SNCAIP: variants seen among roughly 807,000 people sequenced by gnomAD.
The protein encoded by SNCAIP is synphilin-1.
Under a neutral mutation model 86.7 loss-of-function variants are expected in SNCAIP, and 43 were observed. The observed-to-expected ratio is 0.50, with a 90% CI of 0.39 to 0.64. SNCAIP has a LOEUF of 0.64. Ranked by LOEUF, SNCAIP falls within the 30% of genes least tolerant of loss-of-function variation. SNCAIP has a pLI of 0.00. For synonymous variants in SNCAIP, 417 were observed against 427.2 expected (o/e 0.98, Z 0.29); for missense variants, 981 against 1,103.1 (o/e 0.89, Z 1.57).
chr5:122,400,765 A>G (rs1162072813), intron 2 of SNCAIP, among the ~76,000 whole-genome samples: 1 of 152,330 alleles, frequency 6.6e-6, no homozygotes, highest in Non-Finnish European at 1.5e-5. Flanking sequence ...AAGCACAGGG[A>G]CGGTGAAGAA....
In SNCAIP at chr5:122,425,538, G is replaced by C. The variant is rs1246930451; in HGVS notation, c.1182+7G>C. 4.3e-6 allele frequency: 7 copies of C among 1,612,614 alleles called. No individual in the cohort carries two copies. In the South Asian group the frequency reaches 5.5e-5, roughly 13 times the overall value. ...AGCAGGCCTGGCCATTAAGGTGACT[G>C]GTTGGGGGCTGGAACCTCCACAGCT... On this transcript the variant is annotated splice_region_variant and intron_variant, in intron 5 of 10. Coordinates refer to ENST00000261368, the MANE Select transcript of SNCAIP (RefSeq NM_005460.4).
chr5:122,339,414 A>G (rs750184073), intron 1 of SNCAIP, among the ~76,000 whole-genome samples: 2 of 152,202 alleles, frequency 1.3e-5, no homozygotes, highest in Non-Finnish European at 2.9e-5. Flanking sequence ...CCATCTTTAG[A>G]TACATTTAAG....
intron 1 of SNCAIP, among the ~76,000 whole-genome samples, chr5:122,344,147 C>T (rs1421705490): frequency 6.6e-6 from 1 of 152,146 alleles, no homozygotes; most frequent in East Asian, 1.9e-4. Flanking sequence ...TCCTCCTCCG[C>T]TAAAATGTAA....
chr5:122,433,145 G>C (rs1220488498), intron 6 of SNCAIP, among the ~76,000 whole-genome samples: 1 of 141,824 alleles, frequency 7.1e-6, no homozygotes, highest in Non-Finnish European at 1.6e-5. Flanking sequence ...GTGTGTGTGT[G>C]TGTATAATAT....
chr5:122,361,688 C>T (rs1762256044), intron 1 of SNCAIP, among the ~76,000 whole-genome samples: 1 of 151,900 alleles, frequency 6.6e-6, no homozygotes, highest in Non-Finnish European at 1.5e-5. Flanking sequence ...TGATGAAGAG[C>T]TCCATCGATG....
chr5:122,348,813 G>A (rs1759177922), intron 1 of SNCAIP, among the ~76,000 whole-genome samples: 1 of 152,098 alleles, frequency 6.6e-6, no homozygotes, highest in Non-Finnish European at 1.5e-5. Context: ...GAAAATTGAT[G>A]ACGTTTTTGA....
At chr5:122,440,844 A>C (rs1561777930) in intron 7 of SNCAIP, 90 bp downstream of exon 7, 2 of 1,206,108 alleles carry the variant, frequency 1.7e-6, no homozygotes, top group Non-Finnish European at 1.2e-6. Flanking sequence ...AGAATGTCTG[A>C]ATTAATTCAC....
Position 122,423,125 on chromosome 5 carries a change from C to G in SNCAIP, c.388C>G (p.Pro130Ala). ...CCCTGGAGATGGAGTGGGCGGCCCA[C>G]CAGGTAAGAGCTCTGAGCCCAGCAC... ...LGPGDGVGGP[P>A]GKSSEPSTSL... is the part of the protein sequence containing the mutation. Residue 130 changes from proline to alanine, a missense_variant, in exon 4 of 11, where the codon CCA becomes GCA. By Grantham distance (27) the Pro-to-Ala change is conservative (BLOSUM62 -1). Coordinates refer to ENST00000261368, the MANE Select transcript of SNCAIP (RefSeq NM_005460.4). The G allele has an allele frequency of 6.2e-7, 1 of 1,614,128 alleles. No homozygotes were observed. The highest frequency in any genetic ancestry group is 8.5e-7 in the Non-Finnish European group (1 of 1,180,036).
rs1362926760 is a variant in SNCAIP at position 122,446,370 on chromosome 5, G to T, written c.1592+1638G>T. ...ATCCAAAGGAATGTTTTTTCTAAAG[G>T]TTCATACTCAGAGAAGGGAATCACA... On this transcript the variant is annotated intron_variant, in intron 8 of 10. Transcript: ENST00000261368. Among the ~76,000 whole-genome samples the T allele has an allele frequency of 2.6e-5, 4 of 152,132 alleles. No homozygotes were observed. In the East Asian group the frequency reaches 5.8e-4, roughly 22 times the overall value.
intron 1 of SNCAIP, among the ~76,000 whole-genome samples, chr5:122,360,750 A>T (rs1762043488): frequency 2.0e-5 from 3 of 152,208 alleles, no homozygotes. Context: ...ATCTACTTGT[A>T]GAAGAGGAGA....
chr5:122,334,024 G>A (rs923955808), intron 1 of SNCAIP, among the ~76,000 whole-genome samples: 16 of 152,190 alleles, frequency 1.1e-4, no homozygotes, highest in Non-Finnish European at 2.1e-4. Context: ...TTGTGAAGAA[G>A]AGAGAGGTGA....
intron 4 of SNCAIP, among the ~76,000 whole-genome samples, chr5:122,424,183 A>G (rs998290478): frequency 1.3e-5 from 2 of 152,204 alleles, no homozygotes; most frequent in Admixed American, 1.3e-4. Context: ...GAATTGGACC[A>G]GGTTGTTTGA....
intron 3 of SNCAIP, among the ~76,000 whole-genome samples, chr5:122,412,042 C>T (rs937435092): frequency 6.6e-6 from 1 of 152,210 alleles, no homozygotes; most frequent in Non-Finnish European, 1.5e-5. Context: ...CAGCAGGCTT[C>T]CTCGCACGCC....
intron 1 of SNCAIP, among the ~76,000 whole-genome samples, chr5:122,330,241 C>G (rs937637269): frequency 1.2e-4 from 18 of 150,662 alleles, no homozygotes; most frequent in East Asian, 1.2e-3. Context: ...CCTGCCTCAG[C>G]CTCCCAAGTA....
At chr5:122,347,323 A>G (rs932318782) in intron 1 of SNCAIP, among the ~76,000 whole-genome samples, 1 of 152,036 alleles carries the variant, frequency 6.6e-6, no homozygotes, top group African/African-American at 2.4e-5. Context: ...CATCTTTACC[A>G]CAAAGAACAT....
In SNCAIP at chr5:122,422,010, GA is replaced by G. The variant is rs377501212; in HGVS notation, c.131-840del. The stretch of plus-strand genomic sequence containing the variant: ...TTATCCAAACTTTGCACAGAAATTA[GA>G]AAAAAAAAAAAAAAAAACCACTCTG... On this transcript the variant is annotated intron_variant, in intron 3 of 10. Coordinates refer to ENST00000261368, the MANE Select transcript of SNCAIP (RefSeq NM_005460.4). Among the ~76,000 whole-genome samples, 173 of 42,226 alleles carry G rather than the reference GA, an allele frequency of 4.1e-3. 1 individual carries two copies. In the East Asian group the frequency reaches 0.042, roughly 10 times the overall value. 27.7% of individuals were successfully genotyped at this position (42,226 alleles called of 152,430 possible).
chr5:122,333,587 C>A (rs1292398204), intron 1 of SNCAIP, among the ~76,000 whole-genome samples: 1 of 152,240 alleles, frequency 6.6e-6, no homozygotes, highest in Non-Finnish European at 1.5e-5. Context: ...GAGACCGTAT[C>A]TCATTTACAG....
At chr5:122,375,435 G>C (rs1765092535) in intron 1 of SNCAIP, among the ~76,000 whole-genome samples, 1 of 149,590 alleles carries the variant, frequency 6.7e-6, no homozygotes, top group Non-Finnish European at 1.5e-5. Flanking sequence ...ATTTATGTAA[G>C]CATTGATTTT....
At chr5:122,355,841 T>G (rs1296332309) in intron 1 of SNCAIP, among the ~76,000 whole-genome samples, 1 of 152,184 alleles carries the variant, frequency 6.6e-6, no homozygotes, top group Non-Finnish European at 1.5e-5. Context: ...GTTGGGCTTT[T>G]CTGCACATAA....
Sources: gnomAD v4.1 joint callset for allele counts (sites outside exome capture counted in the v4.1 genomes callset) on GRCh38, gnomAD v4.1.1 for gene constraint, MANE v1.5 for transcripts, NCBI Gene and HGNC (gene_info 2026-07-23, HGNC 2026-07-21) for gene names.